The following PTPRD variants were observed in gnomAD, a reference collection of about 807,000 sequenced individuals.
PTPRD encodes the protein protein tyrosine phosphatase receptor type D, also known as receptor-type tyrosine-protein phosphatase delta.
A neutral mutation model predicts 214.5 loss-of-function variants in PTPRD; 34 were observed. That is an observed-to-expected ratio of 0.16 (90% CI 0.12 to 0.21). The LOEUF (loss-of-function observed/expected upper bound fraction) is 0.21. Ranked by LOEUF, PTPRD falls within the 10% of genes least tolerant of loss-of-function variation. The pLI, the probability that PTPRD is intolerant of heterozygous loss-of-function variation, is 1.00. For synonymous variants in PTPRD, 1,128 were observed against 845.7 expected (o/e 1.33, Z -5.79); for missense variants, 2,545 against 2,398.7 (o/e 1.06, Z -1.27).
chr9:8,613,312 A>T (rs1213620398), intron 14 of PTPRD, among the ~76,000 whole-genome samples: 2 of 152,144 alleles, frequency 1.3e-5, no homozygotes. Flanking sequence ...TAGAAGAGAG[A>T]GCAGGAAGGG....
intron 8 of PTPRD, among the ~76,000 whole-genome samples, chr9:9,550,412 T>TATAATA (rs1569569199): frequency 3.5e-4 from 42 of 121,028 alleles, no homozygotes; most frequent in African/African-American, 9.7e-4. Flanking sequence ...ATGTATAATT[T>TATAATA]TATATATAAA....
chr9:10,419,078 C>A (rs1331503617), intron 2 of PTPRD, among the ~76,000 whole-genome samples: 1 of 151,822 alleles, frequency 6.6e-6, no homozygotes, highest in Non-Finnish European at 1.5e-5. Context: ...CTTAGCCCCA[C>A]CTACACAAAA....
chr9:8,366,623 C>A (rs1261910563), intron 39 of PTPRD, among the ~76,000 whole-genome samples: 1 of 152,156 alleles, frequency 6.6e-6, no homozygotes, highest in Non-Finnish European at 1.5e-5. Context: ...AACCTGCAAG[C>A]TTGAGGAGGC....
At chr9:8,874,361 GT>G (rs376892586) in intron 11 of PTPRD, among the ~76,000 whole-genome samples, 926 of 84,792 alleles carry the variant, frequency 0.011, 21 homozygotes, top group Admixed American at 0.074. Flanking sequence ...TGAACGGACT[GT>G]TTTTTTTGCA....
At chr9:8,927,560 G>A (rs2098910049) in intron 11 of PTPRD, among the ~76,000 whole-genome samples, 1 of 152,108 alleles carries the variant, frequency 6.6e-6, no homozygotes, top group South Asian at 2.1e-4. Flanking sequence ...TGGCTGCATA[G>A]TATTCCATGG....
chr9:10,212,166 C>T (rs554435795), intron 3 of PTPRD, among the ~76,000 whole-genome samples: 2 of 152,104 alleles, frequency 1.3e-5, no homozygotes, highest in South Asian at 2.1e-4. Context: ...AGCCCTGACA[C>T]TCACTTAATA....
intron 12 of PTPRD, among the ~76,000 whole-genome samples, chr9:8,647,598 T>A (rs549788015): frequency 2.6e-5 from 4 of 152,332 alleles, no homozygotes; most frequent in African/African-American, 9.6e-5. Context: ...TTTTTTGTAA[T>A]CATATCTTTG....
chr9:9,148,924 T>C (rs2099873154), intron 10 of PTPRD, among the ~76,000 whole-genome samples: 2 of 152,222 alleles, frequency 1.3e-5, no homozygotes, highest in South Asian at 4.1e-4. Context: ...ATAAAGATTG[T>C]AACTGAGAGG....
intron 11 of PTPRD, among the ~76,000 whole-genome samples, chr9:8,864,636 G>A (rs565968910): frequency 6.6e-6 from 1 of 152,292 alleles, no homozygotes; most frequent in African/African-American, 2.4e-5. Flanking sequence ...AATACCACAC[G>A]TTGATTTTCA....
chr9:8,730,855 C>T (rs972363013), intron 12 of PTPRD, among the ~76,000 whole-genome samples: 2 of 152,186 alleles, frequency 1.3e-5, no homozygotes, highest in Non-Finnish European at 1.5e-5. Context: ...GAACAGAAGT[C>T]GCATATGCCC....
At chr9:9,211,564 C>G (rs2099948733) in intron 9 of PTPRD, among the ~76,000 whole-genome samples, 1 of 146,594 alleles carries the variant, frequency 6.8e-6, no homozygotes, top group African/African-American at 2.5e-5. Context: ...CACACAAGAG[C>G]TAAGGTTTCT....
intron 5 of PTPRD, among the ~76,000 whole-genome samples, chr9:9,767,715 C>T (rs996805715): frequency 2.0e-5 from 3 of 152,042 alleles, no homozygotes; most frequent in Non-Finnish European, 4.4e-5. Flanking sequence ...ATCTCTACCA[C>T]TATTTTGGAG....
intron 2 of PTPRD, among the ~76,000 whole-genome samples, chr9:10,461,580 A>G (rs2098959283): frequency 1.3e-5 from 2 of 151,982 alleles, no homozygotes; most frequent in African/African-American, 4.8e-5. Flanking sequence ...TAAGCCAGAC[A>G]CAGAAAAAAA....
At chr9:9,778,372 C>T (rs1306626381) in intron 5 of PTPRD, among the ~76,000 whole-genome samples, 1 of 152,094 alleles carries the variant, frequency 6.6e-6, no homozygotes, top group African/African-American at 2.4e-5. Flanking sequence ...GGGGGATTTC[C>T]CTGGGGAAAA....
Position 9,613,127 on chromosome 9 carries a change from C to CATATATATAT in PTPRD, c.-286-38347_-286-38346insATATATATAT, listed in dbSNP as rs1336099691. Among the ~76,000 whole-genome samples, 38 of 39,106 alleles carry CATATATATAT rather than the reference C, an allele frequency of 9.7e-4. 1 individual carries two copies. Among genetic ancestry groups the CATATATATAT allele is most frequent in the South Asian group, 1.9e-3 (2 of 1,036 alleles). 25.7% of individuals were successfully genotyped at this position (39,106 alleles called of 152,430 possible). ...CATATAATAGCTAGGCTGCAGTATACATACATACATATATATATATATATA... is the reference window on the plus strand; with the variant it reads ...CATATAATAGCTAGGCTGCAGTATACATATATATATATACATACATATATATATATATATA... On this transcript the variant is annotated intron_variant, in intron 7 of 45. Coordinates refer to ENST00000381196, the MANE Select transcript of PTPRD (RefSeq NM_002839.4).
rs184539024 is a variant in PTPRD at position 9,761,845 on chromosome 9, C to T, written c.-326+4965G>A. ...TCCCAATTGCCTACATCAAAATCTG[C>T]GAATTATTCCATGCTCCACCTCTTT... On this transcript the variant is annotated intron_variant, in intron 6 of 45. Transcript: ENST00000381196. Among the ~76,000 whole-genome samples, 342 of 152,234 alleles carry T rather than the reference C, an allele frequency of 2.2e-3. 2 individuals are homozygous for T. The highest frequency in any genetic ancestry group is 7.7e-3 in the African/African-American group (320 of 41,536).
chr9:9,985,177 A>C (rs1240581380), intron 4 of PTPRD, among the ~76,000 whole-genome samples: 2 of 152,218 alleles, frequency 1.3e-5, no homozygotes, highest in Non-Finnish European at 2.9e-5. Flanking sequence ...GTCTTCTCCA[A>C]TAAGGTCTGA....
At chr9:8,520,592 T>C (rs945514340) in intron 20 of PTPRD, among the ~76,000 whole-genome samples, 2 of 152,162 alleles carry the variant, frequency 1.3e-5, no homozygotes, top group African/African-American at 4.8e-5. Flanking sequence ...TTTCTAGAAT[T>C]CTATAAACAC....
At chr9:9,330,918 T>A (rs1287990031) in intron 9 of PTPRD, among the ~76,000 whole-genome samples, 1 of 151,702 alleles carries the variant, frequency 6.6e-6, no homozygotes, top group South Asian at 2.1e-4. Flanking sequence ...TTTTTTTTTT[T>A]GAAATGATAT....
Sources: gnomAD v4.1 joint callset for allele counts (sites outside exome capture counted in the v4.1 genomes callset) on GRCh38, gnomAD v4.1.1 for gene constraint, MANE v1.5 for transcripts, NCBI Gene and HGNC (gene_info 2026-07-23, HGNC 2026-07-21) for gene names.